Variants in CEP192 observed in about 807,000 individuals in gnomAD.
CEP192 encodes the protein centrosomal protein of 192 kDa.
CEP192 carries 151 observed loss-of-function variants against 271.8 expected under a neutral mutation model. The ratio of observed to expected loss-of-function variants is 0.56; its 90% CI spans 0.49 to 0.64. The LOEUF (loss-of-function observed/expected upper bound fraction) is 0.64. Among genes scored for constraint, CEP192 ranks in the 30% least tolerant of loss-of-function variants. The probability of loss-of-function intolerance (pLI) is 0.00; values close to 1 mark genes in which losing one functional copy is unlikely to be tolerated. For synonymous variants in CEP192, 995 were observed against 1,076.5 expected (o/e 0.92, Z 1.48); for missense variants, 2,910 against 3,020.5 (o/e 0.96, Z 0.86).
At chr18:13,010,635 C>G (rs901037708) in intron 4 of CEP192, among the ~76,000 whole-genome samples, 4 of 152,068 alleles carry the variant, frequency 2.6e-5, no homozygotes, top group Non-Finnish European at 5.9e-5. Flanking sequence ...TCACCTGAGT[C>G]TGGGAGTTCA....
At position 13,068,257 on chromosome 18, in the gene CEP192, G is replaced by C. The variant is rs1432592376; in HGVS notation, c.4758+20G>C. 2 of 1,610,394 alleles carry C rather than the reference G, an allele frequency of 1.2e-6. No homozygotes were observed. The highest frequency in any genetic ancestry group is 1.1e-5 in the South Asian group (1 of 90,892). On this transcript the variant is annotated intron_variant, in intron 23 of 44. Coordinates refer to ENST00000506447, the MANE Select transcript of CEP192 (RefSeq NM_032142.4). Reference sequence around the variant, plus strand: ...GGACAGGTGGGAGAGAACTGGCTTAGAATTAAAGAGGAAATTAAGCTTCTA... The same window carrying C: ...GGACAGGTGGGAGAGAACTGGCTTACAATTAAAGAGGAAATTAAGCTTCTA...
At chr18:13,100,061 G>T (rs1204283066) in intron 37 of CEP192, among the ~76,000 whole-genome samples, 5 of 152,206 alleles carry the variant, frequency 3.3e-5, no homozygotes, top group African/African-American at 1.2e-4. Context: ...TGGGGAATGG[G>T]TGTGGAGAGT....
At chr18:13,048,611 A>G (rs571582816) in intron 15 of CEP192, among the ~76,000 whole-genome samples, 90 of 152,326 alleles carry the variant, frequency 5.9e-4, no homozygotes, top group Non-Finnish European at 1.0e-3. Context: ...TTGCACTCCA[A>G]ACTTCAAACG....
At chr18:13,093,636 A>G (rs1445515277) in intron 34 of CEP192, among the ~76,000 whole-genome samples, 1 of 152,238 alleles carries the variant, frequency 6.6e-6, no homozygotes, top group African/African-American at 2.4e-5. Flanking sequence ...CAGATTTGAC[A>G]CAAGGTCTCT....
chr18:13,072,942 G>A, intron 29 of CEP192, 67 bp from the exon 30 acceptor site: 2 of 1,547,442 alleles, frequency 1.3e-6, no homozygotes, highest in East Asian at 2.3e-5. Context: ...TTAAGAATCT[G>A]TGTTAATGGT....
chr18:13,089,405 T>C (rs773815451), intron 32 of CEP192, 51 bp from the exon 33 acceptor site: 2 of 868,594 alleles, frequency 2.3e-6, no homozygotes, highest in Admixed American at 5.3e-5. Flanking sequence ...ATTAAAGTTA[T>C]TTTATATATA....
At chr18:13,036,329 T>C (rs1226366448) in intron 11 of CEP192, among the ~76,000 whole-genome samples, 1 of 152,190 alleles carries the variant, frequency 6.6e-6, no homozygotes, top group Non-Finnish European at 1.5e-5. Context: ...GGACACAGTC[T>C]AGGGTCGCAA....
chr18:13,119,757 TAAATA>T (rs1420347817), intron 44 of CEP192, among the ~76,000 whole-genome samples: 1 of 152,070 alleles, frequency 6.6e-6, no homozygotes, highest in East Asian at 1.9e-4. Context: ...AATAAGTAAA[TAAATA>T]AAATATTTTT....
intron 38 of CEP192, among the ~76,000 whole-genome samples, chr18:13,100,759 C>T (rs954171954): frequency 1.3e-5 from 2 of 152,142 alleles, no homozygotes; most frequent in African/African-American, 4.8e-5. Context: ...CAGAACCTTT[C>T]CTGTGCAACT....
At chr18:13,122,852 TGTGTGTG>T (rs1426978317) in intron 44 of CEP192, among the ~76,000 whole-genome samples, 1 of 151,646 alleles carries the variant, frequency 6.6e-6, no homozygotes, top group Non-Finnish European at 1.5e-5. Flanking sequence ...TGTGTGTGTG[TGTGTGTG>T]TAGAGATTAA....
In CEP192 at chr18:13,051,383, G is replaced by A. The variant is rs574393681; in HGVS notation, c.3017+1492G>A. ...TATGTGTTTGTGTGTGTGTGTGTGCGTGTGTGCGGGAGTGCATGTGGATAC... is the reference window on the plus strand; with the variant it reads ...TATGTGTTTGTGTGTGTGTGTGTGCATGTGTGCGGGAGTGCATGTGGATAC... On this transcript the variant is annotated intron_variant, in intron 17 of 44. Coordinates refer to ENST00000506447, the MANE Select transcript of CEP192 (RefSeq NM_032142.4). Among the ~76,000 whole-genome samples, 4 of 152,208 alleles carry A rather than the reference G, an allele frequency of 2.6e-5. No homozygotes were observed. The East Asian group carries it at 5.8e-4, about 22-fold the overall frequency.
intron 27 of CEP192, 48 bp from the exon 28 acceptor site, chr18:13,070,990 GA>G: frequency 1.3e-6 from 2 of 1,501,098 alleles, no homozygotes; most frequent in East Asian, 4.5e-5. Flanking sequence ...AAATAGTTGC[GA>G]AAAGAATTGA....
intron 6 of CEP192, among the ~76,000 whole-genome samples, chr18:13,016,600 C>T (rs2034660487): frequency 6.6e-6 from 1 of 152,162 alleles, no homozygotes; most frequent in Non-Finnish European, 1.5e-5. Context: ...TTCTTGTAGA[C>T]AGAATTGCTA....
At chr18:13,117,221 C>A (rs1411735506) in intron 43 of CEP192, among the ~76,000 whole-genome samples, 4 of 152,098 alleles carry the variant, frequency 2.6e-5, no homozygotes, top group Non-Finnish European at 5.9e-5. Flanking sequence ...CAAGACCCTG[C>A]CCCCATCCGC....
intron 4 of CEP192, among the ~76,000 whole-genome samples, chr18:13,010,852 GA>G (rs918450611): frequency 2.0e-4 from 28 of 143,378 alleles, no homozygotes; most frequent in African/African-American, 5.1e-5. Context: ...ATCTCAAAAA[GA>G]AAAAAAAAAG....
Position 13,095,640 on chromosome 18 carries a change from C to G in CEP192, c.6392C>G (p.Thr2131Ser). The change falls in exon 35 of 45, where the codon ACT becomes AGT. Residue 2131 changes from threonine (T) to serine (S), a missense_variant. Transcript: ENST00000506447. ...CAGCTGGCCTCCGAAGAGCCGTGGA[C>G]TGTCCTACCCGAGCACTTGATTCTG... ...LDQLASEEPWTVLPEHLILVA... is the reference protein window; with the variant it reads ...LDQLASEEPWSVLPEHLILVA... The G allele has an allele frequency of 6.2e-7, 1 of 1,613,878 alleles. No individual in the cohort carries two copies. Among genetic ancestry groups the G allele is most frequent in the Non-Finnish European group, 8.5e-7 (1 of 1,179,964 alleles).
In CEP192 at chr18:13,056,544, C is replaced by T. The variant is rs765999084; in HGVS notation, c.3954C>T (p.Ile1318=). 1.3e-5 allele frequency: 21 copies of T among 1,614,188 alleles called. No individual in the cohort carries two copies. Among genetic ancestry groups the T allele is most frequent in the Non-Finnish European group, 1.4e-5 (17 of 1,180,032 alleles). The part of the protein sequence containing the change: ...VAVGICLGSN[I]GSGWMGTSSL... ...TGGGAATTTGTCTAGGATCAAATAT[C>T]GGCTCTGGATGGATGGGTACCTCTT... Residue 1318 remains isoleucine (I), a synonymous_variant, in exon 19 of 45, where the codon ATC becomes ATT. Transcript: ENST00000506447.
intron 39 of CEP192, 55 bp downstream of exon 39, chr18:13,103,643 A>T: frequency 7.4e-7 from 1 of 1,349,910 alleles, no homozygotes; most frequent in Middle Eastern, 1.8e-4. Flanking sequence ...TTTATCCAGG[A>T]TGTTCTAAAA....
chr18:12,999,825 T>A (rs1185955489), intron 2 of CEP192, among the ~76,000 whole-genome samples: 1 of 136,710 alleles, frequency 7.3e-6, no homozygotes, highest in Non-Finnish European at 1.5e-5. Flanking sequence ...CCTATTTCGG[T>A]CTATTTTTTT....
Sources: gnomAD v4.1 joint callset for allele counts (sites outside exome capture counted in the v4.1 genomes callset) on GRCh38, gnomAD v4.1.1 for gene constraint, MANE v1.5 for transcripts, NCBI Gene and HGNC (gene_info 2026-07-23, HGNC 2026-07-21) for gene names.